The following ISM1 variants were observed in gnomAD, a reference collection of about 807,000 sequenced individuals.
The protein encoded by ISM1 is isthmin-1.
In ISM1, 25 loss-of-function variants were observed where a neutral mutation model predicts 46.3. That is an observed-to-expected ratio of 0.54 (90% CI 0.39 to 0.75). The LOEUF is 0.75. Among genes scored for constraint, ISM1 ranks in the 30% least tolerant of loss-of-function variants. The pLI is 0.00. For missense variants in ISM1, 536 were observed against 625.4 expected (o/e 0.86, Z 1.52); for synonymous variants, 255 against 256.7 (o/e 0.99, Z 0.06).
intron 5 of ISM1, among the ~76,000 whole-genome samples, chr20:13,296,180 C>T (rs562314663): frequency 6.6e-6 from 1 of 152,270 alleles, no homozygotes; most frequent in East Asian, 1.9e-4. Context: ...TGTTGGTGAC[C>T]AGCCCACATT....
At chr20:13,325,471 AGAGGG>A in the ISM1 span, among the ~76,000 whole-genome samples, 2 of 152,118 alleles carry the variant, frequency 1.3e-5, no homozygotes, top group Admixed American at 6.6e-5. Context: ...AGATGTCATG[AGAGGG>A]TCCACAGTTT....
chr20:13,231,436 C>T (rs2123136761), intron 1 of ISM1, among the ~76,000 whole-genome samples: 1 of 152,244 alleles, frequency 6.6e-6, no homozygotes, highest in East Asian at 1.9e-4. Flanking sequence ...GGTCCTTTTT[C>T]TCCTGAGATG....
intron 1 of ISM1, among the ~76,000 whole-genome samples, chr20:13,263,024 T>G (rs982717427): frequency 1.3e-5 from 2 of 152,188 alleles, no homozygotes; most frequent in Non-Finnish European, 2.9e-5. Flanking sequence ...GAGCCCATGA[T>G]GTACCTGTGT....
chr20:13,236,668 G>C (rs1002346618), intron 1 of ISM1, among the ~76,000 whole-genome samples: 1 of 152,150 alleles, frequency 6.6e-6, no homozygotes, highest in Non-Finnish European at 1.5e-5. Flanking sequence ...GATACAATGG[G>C]GGTACAGGTA....
At chr20:13,236,557 G>A (rs560036813) in intron 1 of ISM1, among the ~76,000 whole-genome samples, 4 of 152,074 alleles carry the variant, frequency 2.6e-5, no homozygotes, top group Admixed American at 1.3e-4. Context: ...ATTTATTTCA[G>A]AATTAACCCA....
At chr20:13,232,618 G>T (rs2039601452) in intron 1 of ISM1, among the ~76,000 whole-genome samples, 1 of 152,194 alleles carries the variant, frequency 6.6e-6, no homozygotes, top group Admixed American at 6.5e-5. Flanking sequence ...GTGAACATTT[G>T]CTTTCATTTC....
downstream of ISM1, among the ~76,000 whole-genome samples, chr20:13,302,730 C>A (rs952105903): frequency 6.6e-6 from 1 of 152,194 alleles, no homozygotes; most frequent in Non-Finnish European, 1.5e-5. Flanking sequence ...GCTCTTTTGC[C>A]TTCCCCTGGA....
chr20:13,272,281 G>A (rs181243538), intron 2 of ISM1, among the ~76,000 whole-genome samples: 15 of 152,164 alleles, frequency 9.9e-5, no homozygotes, highest in Non-Finnish European at 1.9e-4. Context: ...ATCAGGTTTC[G>A]TTGACCTGAG....
intron 4 of ISM1, among the ~76,000 whole-genome samples, chr20:13,290,259 A>G (rs529561984): frequency 2.0e-5 from 3 of 152,170 alleles, no homozygotes; most frequent in African/African-American, 7.2e-5. Flanking sequence ...AATAATAACA[A>G]TATGAGGAGG....
At chr20:13,290,883 G>A (rs2040346457) in intron 4 of ISM1, among the ~76,000 whole-genome samples, 1 of 152,198 alleles carries the variant, frequency 6.6e-6, no homozygotes, top group African/African-American at 2.4e-5. Flanking sequence ...AACTTGCCTA[G>A]AGTCACACAG....
intron 1 of ISM1, among the ~76,000 whole-genome samples, chr20:13,245,025 A>G (rs2039777031): frequency 6.6e-6 from 1 of 152,374 alleles, no homozygotes; most frequent in African/African-American, 2.4e-5. Flanking sequence ...AAGAAAGAAC[A>G]TGCACAACTT....
At chr20:13,275,539 A>G (rs945710630) in intron 2 of ISM1, among the ~76,000 whole-genome samples, 1 of 152,318 alleles carries the variant, frequency 6.6e-6, no homozygotes, top group Middle Eastern at 3.4e-3. Context: ...CCATTTAGTC[A>G]GCCAGACTTG....
intron 2 of ISM1, among the ~76,000 whole-genome samples, chr20:13,272,577 A>G (rs2040128328): frequency 6.6e-6 from 1 of 152,234 alleles, no homozygotes; most frequent in Non-Finnish European, 1.5e-5. Context: ...GCACAGAGTG[A>G]CAAATATTTT....
At chr20:13,235,786 C>T (rs2039641148) in intron 1 of ISM1, among the ~76,000 whole-genome samples, 3 of 152,186 alleles carry the variant, frequency 2.0e-5, no homozygotes, top group Non-Finnish European at 4.4e-5. Context: ...ACTCACGGGG[C>T]TTGGACAATA....
the ISM1 span, among the ~76,000 whole-genome samples, chr20:13,306,332 T>G: frequency 6.6e-6 from 1 of 152,234 alleles, no homozygotes; most frequent in African/African-American, 2.4e-5. Flanking sequence ...TTATTTGCCA[T>G]GGAAGAGAAC....
At chr20:13,267,323 C>T (rs928996066) in intron 1 of ISM1, among the ~76,000 whole-genome samples, 10 of 152,276 alleles carry the variant, frequency 6.6e-5, no homozygotes, top group Admixed American at 1.3e-4. Context: ...CAGGGCGGTT[C>T]GGAGAGATGG....
intron 2 of ISM1, among the ~76,000 whole-genome samples, chr20:13,272,528 C>T (rs1441153465): frequency 6.6e-6 from 1 of 152,176 alleles, no homozygotes; most frequent in African/African-American, 2.4e-5. Context: ...GGGGGTGGAT[C>T]TCAATAGGTG....
At chr20:13,326,343 C>T in the ISM1 span, among the ~76,000 whole-genome samples, 3 of 152,116 alleles carry the variant, frequency 2.0e-5, no homozygotes, top group East Asian at 1.9e-4. Flanking sequence ...GGAGTGGGAC[C>T]GTTGGGTCAT....
intron 1 of ISM1, among the ~76,000 whole-genome samples, chr20:13,242,614 G>A (rs6131456): frequency 0.25 from 37,693 of 152,036 alleles, 4,768 homozygotes; most frequent in African/African-American, 0.3. Flanking sequence ...GCAGCTGGGG[G>A]AGCCATGATG....
Sources: allele counts gnomAD v4.1 joint callset (sites outside exome capture counted in the v4.1 genomes callset), GRCh38; gene constraint gnomAD v4.1.1; transcripts MANE v1.5; gene names NCBI Gene and HGNC (gene_info 2026-07-23, HGNC 2026-07-21).